Variants in ATP10A observed in about 807,000 individuals in gnomAD.
ATP10A encodes phospholipid-transporting ATPase VA.
A neutral mutation model predicts 147.8 loss-of-function variants in ATP10A; 111 were observed. The observed-to-expected ratio is 0.75, with a 90% CI of 0.64 to 0.88. The LOEUF is 0.88. Ranked by LOEUF, ATP10A falls within the 40% of genes least tolerant of loss-of-function variation. ATP10A has a pLI of 0.00. For missense variants in ATP10A, 1,927 were observed against 1,959.0 expected (o/e 0.98, Z 0.31); for synonymous variants, 875 against 841.6 (o/e 1.04, Z -0.69).
chr15:25,799,570 C>T (rs955295987), intron 1 of ATP10A, among the ~76,000 whole-genome samples: 3 of 152,082 alleles, frequency 2.0e-5, no homozygotes, highest in African/African-American at 2.4e-5. Flanking sequence ...GCATGTTCCA[C>T]AAAGAAATAA....
At chr15:25,716,233 A>G (rs1465285706) in intron 9 of ATP10A, among the ~76,000 whole-genome samples, 1 of 152,196 alleles carries the variant, frequency 6.6e-6, no homozygotes, top group Non-Finnish European at 1.5e-5. Flanking sequence ...TGGTAGAGTC[A>G]GGGTCCATGT....
chr15:25,808,366 T>C (rs1012298201), intron 1 of ATP10A, among the ~76,000 whole-genome samples: 4 of 151,558 alleles, frequency 2.6e-5, no homozygotes, highest in Admixed American at 6.6e-5. Context: ...TTTACCTCAT[T>C]TTGCAGGTGT....
At chr15:25,812,627 T>A (rs1288092987) in intron 1 of ATP10A, among the ~76,000 whole-genome samples, 1 of 152,148 alleles carries the variant, frequency 6.6e-6, no homozygotes, top group Non-Finnish European at 1.5e-5. Context: ...TGTTCTACTT[T>A]AAATTAAAAC....
At chr15:25,733,641 G>C (rs1224160815) in intron 3 of ATP10A, among the ~76,000 whole-genome samples, 3 of 152,224 alleles carry the variant, frequency 2.0e-5, no homozygotes, top group Non-Finnish European at 4.4e-5. Flanking sequence ...AGAACACCCC[G>C]GCTGGTGGAG....
chr15:25,783,480 C>A (rs1890021578), intron 1 of ATP10A, among the ~76,000 whole-genome samples: 1 of 146,928 alleles, frequency 6.8e-6, no homozygotes, highest in East Asian at 1.9e-4. Flanking sequence ...TTGAGGGACC[C>A]CCCCCTGGCA....
intron 14 of ATP10A, among the ~76,000 whole-genome samples, chr15:25,694,287 C>A (rs548785669): frequency 2.6e-5 from 4 of 152,352 alleles, no homozygotes; most frequent in African/African-American, 9.6e-5. Flanking sequence ...AGCAGTGATG[C>A]GTATCTGATG....
chr15:25,766,955 A>T (rs1889056420), intron 2 of ATP10A, among the ~76,000 whole-genome samples: 1 of 151,544 alleles, frequency 6.6e-6, no homozygotes, highest in Non-Finnish European at 1.5e-5. Flanking sequence ...TAATACATGG[A>T]CATTCACAGG....
intron 4 of ATP10A, among the ~76,000 whole-genome samples, chr15:25,726,432 T>C (rs1447458292): frequency 6.6e-6 from 1 of 150,558 alleles, no homozygotes; most frequent in African/African-American, 2.5e-5. Context: ...AATGGGGATA[T>C]GTTATGCTTT....
chr15:25,789,934 G>A (rs11852996), intron 1 of ATP10A, among the ~76,000 whole-genome samples: 4,252 of 152,204 alleles, frequency 0.028, 132 homozygotes, highest in East Asian at 0.12. Context: ...AATCGCTCCC[G>A]GTTGAGAAAT....
intron 1 of ATP10A, among the ~76,000 whole-genome samples, chr15:25,845,378 A>C (rs1449869026): frequency 2.0e-5 from 3 of 151,426 alleles, no homozygotes; most frequent in Non-Finnish European, 4.4e-5. Context: ...GTGATGGCCG[A>C]AGTTAACTGT....
At chr15:25,698,725 C>T (rs1900493847) in intron 13 of ATP10A, among the ~76,000 whole-genome samples, 1 of 152,142 alleles carries the variant, frequency 6.6e-6, no homozygotes, top group Non-Finnish European at 1.5e-5. Context: ...CAGATGGTCC[C>T]TGACTTACAA....
intron 1 of ATP10A, among the ~76,000 whole-genome samples, chr15:25,825,237 G>A (rs1892067359): frequency 6.6e-6 from 1 of 152,122 alleles, no homozygotes. Context: ...AGAGGCAGTT[G>A]TTTAGAACAT....
intron 1 of ATP10A, among the ~76,000 whole-genome samples, chr15:25,792,780 C>A (rs1027016706): frequency 6.6e-6 from 1 of 152,038 alleles, no homozygotes; most frequent in Non-Finnish European, 1.5e-5. Context: ...CCTGCCAGGG[C>A]AGGGCTCTCA....
intron 9 of ATP10A, among the ~76,000 whole-genome samples, chr15:25,716,243 T>G (rs1438502651): frequency 3.3e-5 from 5 of 152,182 alleles, no homozygotes; most frequent in African/African-American, 1.2e-4. Context: ...AGGGTCCATG[T>G]GCAAGCTCCT....
Position 25,745,142 on chromosome 15 carries a change from A to G in ATP10A, c.655-9001T>C, listed in dbSNP as rs1342346344. 7.2e-5 allele frequency among the ~76,000 whole-genome samples: 11 copies of G among 152,268 alleles called. No individual in the cohort carries two copies. The South Asian group carries it at 2.1e-3, about 29-fold the overall frequency. On this transcript the variant is annotated intron_variant, in intron 2 of 20. Coordinates refer to ENST00000555815, the MANE Select transcript of ATP10A (RefSeq NM_024490.4). ...GTCTTGAAAGACCAGCCTGGCCAAC[A>G]TGGTGAAATCTCAACTCTACTAAAA...
intron 9 of ATP10A, 31 bp downstream of exon 9, chr15:25,716,699 A>G: frequency 6.6e-7 from 1 of 1,513,904 alleles, no homozygotes; most frequent in Non-Finnish European, 8.9e-7. Context: ...CAGAAGGTCA[A>G]GGTCAAGCTC....
At chr15:25,710,895 A>C (rs995592321) in intron 10 of ATP10A, 29 of 152,246 alleles carry the variant, frequency 1.9e-4, no homozygotes, top group Admixed American at 5.9e-4. Flanking sequence ...GGAGCCAGAG[A>C]CTTGGGAAAG....
At chr15:25,729,245 G>T (rs1328714606) in intron 3 of ATP10A, among the ~76,000 whole-genome samples, 1 of 152,160 alleles carries the variant, frequency 6.6e-6, no homozygotes, top group African/African-American at 2.4e-5. Flanking sequence ...CCAGCACTTT[G>T]GGAGGCCAAG....
At chr15:25,833,567 G>A in intron 1 of ATP10A, among the ~76,000 whole-genome samples, 1 of 152,178 alleles carries the variant, frequency 6.6e-6, no homozygotes, top group East Asian at 1.9e-4. Context: ...GATCACAGTG[G>A]AATGGCTAAA....
Sources: gnomAD v4.1 joint callset for allele counts (sites outside exome capture counted in the v4.1 genomes callset) on GRCh38, gnomAD v4.1.1 for gene constraint, MANE v1.5 for transcripts, NCBI Gene and HGNC (gene_info 2026-07-23, HGNC 2026-07-21) for gene names.